The following FBXL17 variants were observed in gnomAD, a reference collection of about 807,000 sequenced individuals.
FBXL17 encodes F-box and leucine rich repeat protein 17.
A neutral mutation model predicts 66.2 loss-of-function variants in FBXL17; 22 were observed. That is an observed-to-expected ratio of 0.33 (90% CI 0.24 to 0.47). The LOEUF is 0.47. Among genes scored for constraint, FBXL17 ranks in the 20% least tolerant of loss-of-function variants. The pLI is 1.00. For missense variants in FBXL17, 878 were observed against 948.2 expected (o/e 0.93, Z 0.97); for synonymous variants, 474 against 400.5 (o/e 1.18, Z -2.19).
intron 4 of FBXL17, among the ~76,000 whole-genome samples, chr5:108,305,155 T>C (rs1758776989): frequency 6.6e-6 from 1 of 152,048 alleles, no homozygotes; most frequent in African/African-American, 2.4e-5. Context: ...TATGGCGTGT[T>C]CAGAAAACCA....
intron 8 of FBXL17, among the ~76,000 whole-genome samples, chr5:107,873,904 C>T (rs533974437): frequency 1.3e-5 from 2 of 152,246 alleles, no homozygotes; most frequent in East Asian, 3.9e-4. Flanking sequence ...TCTCCTTCTC[C>T]CTTTTAAAAG....
chr5:108,362,023 T>TTG (rs1431821167), intron 3 of FBXL17, among the ~76,000 whole-genome samples: 3 of 152,164 alleles, frequency 2.0e-5, no homozygotes, highest in South Asian at 2.1e-4. Flanking sequence ...TAGCATTCCT[T>TTG]TGGTTGCTAT....
chr5:108,053,856 C>G (rs1488505457), intron 6 of FBXL17, among the ~76,000 whole-genome samples: 1 of 152,084 alleles, frequency 6.6e-6, no homozygotes, highest in Non-Finnish European at 1.5e-5. Context: ...GTCATAGAAC[C>G]AACCCAAATG....
intron 7 of FBXL17, among the ~76,000 whole-genome samples, chr5:107,996,742 T>C (rs1753487520): frequency 6.6e-6 from 1 of 152,192 alleles, no homozygotes. Context: ...GAAACTGAGA[T>C]CCAGAGAGAT....
At chr5:108,073,422 A>G (rs1233104899) in intron 6 of FBXL17, among the ~76,000 whole-genome samples, 1 of 152,114 alleles carries the variant, frequency 6.6e-6, no homozygotes, top group Non-Finnish European at 1.5e-5. Context: ...TTACTCATGA[A>G]TTTAATTACT....
intron 7 of FBXL17, among the ~76,000 whole-genome samples, chr5:108,004,636 G>A (rs1452829829): frequency 2.0e-5 from 3 of 152,116 alleles, no homozygotes; most frequent in Non-Finnish European, 4.4e-5. Context: ...GCTTAGTTCT[G>A]GTTCTAGAGC....
chr5:108,316,423 CTT>C (rs950987826), intron 4 of FBXL17, among the ~76,000 whole-genome samples: 21 of 151,350 alleles, frequency 1.4e-4, no homozygotes, highest in African/African-American at 5.1e-4. Context: ...CTAAAAGACA[CTT>C]AATTTATGAT....
chr5:108,139,090 A>G (rs546561636), intron 6 of FBXL17, among the ~76,000 whole-genome samples: 1 of 152,358 alleles, frequency 6.6e-6, no homozygotes, highest in African/African-American at 2.4e-5. Context: ...AAGAATATTT[A>G]TGCACAAAGT....
At chr5:108,343,536 C>T (rs139109916) in intron 4 of FBXL17, among the ~76,000 whole-genome samples, 29 of 152,218 alleles carry the variant, frequency 1.9e-4, no homozygotes, top group South Asian at 4.1e-4. Flanking sequence ...ACTAAGGGTG[C>T]GGACAACCAA....
At chr5:108,128,459 C>T (rs763024105) in intron 6 of FBXL17, among the ~76,000 whole-genome samples, 2 of 151,926 alleles carry the variant, frequency 1.3e-5, no homozygotes, top group African/African-American at 2.4e-5. Context: ...ACCAAAAATG[C>T]TATTACATTA....
chr5:108,254,861 C>T (rs894299079), intron 4 of FBXL17, among the ~76,000 whole-genome samples: 8 of 152,082 alleles, frequency 5.3e-5, no homozygotes, highest in African/African-American at 1.2e-4. Flanking sequence ...TAAGTTAATC[C>T]CAATGTCTTA....
chr5:108,126,831 T>C (rs1352420459), intron 6 of FBXL17, among the ~76,000 whole-genome samples: 1 of 151,548 alleles, frequency 6.6e-6, no homozygotes, highest in Non-Finnish European at 1.5e-5. Context: ...TAAAGATACA[T>C]TTAGCAAAAA....
chr5:108,219,842 C>A (rs1170834203), intron 5 of FBXL17, among the ~76,000 whole-genome samples: 1 of 150,462 alleles, frequency 6.6e-6, no homozygotes, highest in Non-Finnish European at 1.5e-5. Flanking sequence ...TCTATCTTAT[C>A]AAATCACTAG....
At chr5:108,161,919 A>C (rs2150007583) in intron 6 of FBXL17, among the ~76,000 whole-genome samples, 1 of 152,346 alleles carries the variant, frequency 6.6e-6, no homozygotes, top group South Asian at 2.1e-4. Context: ...TACAGTAATT[A>C]AAAACTGTCC....
chr5:108,011,455 G>T (rs532145461), intron 7 of FBXL17, among the ~76,000 whole-genome samples: 18 of 152,134 alleles, frequency 1.2e-4, no homozygotes, highest in African/African-American at 4.3e-4. Flanking sequence ...CACTGAAGAG[G>T]GATTTGATTT....
intron 7 of FBXL17, among the ~76,000 whole-genome samples, chr5:107,904,238 A>G (rs1471616609): frequency 6.6e-6 from 1 of 152,048 alleles, no homozygotes; most frequent in African/African-American, 2.4e-5. Context: ...CGATGGCACC[A>G]CAGACTTGTC....
intron 4 of FBXL17, among the ~76,000 whole-genome samples, chr5:108,262,082 A>ATTTTTTTT (rs769903670): frequency 1.1e-4 from 13 of 114,210 alleles, no homozygotes; most frequent in South Asian, 2.5e-4. Flanking sequence ...TTATTTATTT[A>ATTTTTTTT]TTTATTTTTT....
Position 108,292,246 on chromosome 5 carries a change from C to A in FBXL17, c.1506+56153G>T, listed in dbSNP as rs575250635. Among the ~76,000 whole-genome samples, 5 of 152,120 alleles carry A rather than the reference C, an allele frequency of 3.3e-5. No homozygotes were observed. In the East Asian group the frequency reaches 9.7e-4, roughly 29 times the overall value. ...AATCAATTCTCCTGCCTCAGCCTCC[C>A]AAGTAGCTGGGATTACAGGCACACA... On this transcript the variant is annotated intron_variant, in intron 4 of 8. Transcript: ENST00000542267.
At chr5:108,237,138 A>G (rs1157436596) in intron 4 of FBXL17, among the ~76,000 whole-genome samples, 1 of 152,198 alleles carries the variant, frequency 6.6e-6, no homozygotes, top group Non-Finnish European at 1.5e-5. Flanking sequence ...TATCTTTGAA[A>G]TAATAAAGAC....
Sources: allele counts gnomAD v4.1 joint callset (sites outside exome capture counted in the v4.1 genomes callset), GRCh38; gene constraint gnomAD v4.1.1; transcripts MANE v1.5; gene names NCBI Gene and HGNC (gene_info 2026-07-23, HGNC 2026-07-21).